PPP6R3: variants seen among roughly 807,000 people sequenced by gnomAD.
PPP6R3 encodes the protein serine/threonine-protein phosphatase 6 regulatory subunit 3.
Under a neutral mutation model 110.7 loss-of-function variants are expected in PPP6R3, and 38 were observed. That is an observed-to-expected ratio of 0.34 (90% CI 0.26 to 0.45). The LOEUF is 0.45. PPP6R3 is among the 20% of genes least tolerant of loss of function. PPP6R3 has a pLI of 1.00. For missense variants in PPP6R3, 870 were observed against 1,062.4 expected (o/e 0.82, Z 2.52); for synonymous variants, 369 against 373.5 (o/e 0.99, Z 0.14).
At chr11:68,566,885 G>A (rs2099474588) in intron 9 of PPP6R3, 129 bp from the exon 10 acceptor site, 2 of 672,812 alleles carry the variant, frequency 3.0e-6, no homozygotes, top group African/African-American at 3.7e-5. Context: ...AGCAGCTTTA[G>A]ATGTTGTTTC....
chr11:68,510,867 T>C (rs1036062180), intron 1 of PPP6R3, among the ~76,000 whole-genome samples: 2 of 152,172 alleles, frequency 1.3e-5, no homozygotes, highest in African/African-American at 4.8e-5. Flanking sequence ...GTGTATACTT[T>C]CTGATTTTTT....
chr11:68,467,131 T>C (rs1482697495), intron 1 of PPP6R3, among the ~76,000 whole-genome samples: 1 of 152,264 alleles, frequency 6.6e-6, no homozygotes, highest in Non-Finnish European at 1.5e-5. Context: ...TACGGCTGGC[T>C]AGAGTTGACC....
intron 1 of PPP6R3, among the ~76,000 whole-genome samples, chr11:68,509,785 C>T (rs1297668181): frequency 7.5e-6 from 1 of 133,150 alleles, no homozygotes; most frequent in African/African-American, 2.8e-5. Flanking sequence ...GCTTCGCTCT[C>T]GTTGCCCAGT....
At chr11:68,478,180 T>C (rs73516862) in intron 1 of PPP6R3, among the ~76,000 whole-genome samples, 48,477 of 151,634 alleles carry the variant, frequency 0.32, 8,793 homozygotes, top group African/African-American at 0.49. Flanking sequence ...GAACTCCTGA[T>C]CTCGTGATAC....
At chr11:68,576,313 G>A (rs545219550) in intron 14 of PPP6R3, among the ~76,000 whole-genome samples, 2 of 152,302 alleles carry the variant, frequency 1.3e-5, no homozygotes, top group African/African-American at 4.8e-5. Flanking sequence ...TTCCCTCCAT[G>A]CCCTGCTGCC....
At chr11:68,517,574 G>A (rs1592393712) in intron 1 of PPP6R3, among the ~76,000 whole-genome samples, 1 of 152,170 alleles carries the variant, frequency 6.6e-6, no homozygotes, top group Non-Finnish European at 1.5e-5. Flanking sequence ...ACTATGAAAA[G>A]CACACAAGAG....
intron 1 of PPP6R3, among the ~76,000 whole-genome samples, chr11:68,478,240 G>A (rs1358846790): frequency 6.6e-6 from 1 of 152,000 alleles, no homozygotes; most frequent in Non-Finnish European, 1.5e-5. Context: ...GAGCTGCCGC[G>A]CCCGGCCCAG....
At position 68,602,128 on chromosome 11, in the gene PPP6R3, G is replaced by A. The variant is rs560931325; in HGVS notation, c.2299+159G>A. ...GAAAGAAATTGTGCCTGTCCTTCTA[G>A]AACCACAGCATGCTGACTCTGGAAA... On this transcript the variant is annotated intron_variant, in intron 21 of 23. Transcript: ENST00000393800. 1.1e-4 allele frequency among the ~76,000 whole-genome samples: 16 copies of A among 152,310 alleles called. No homozygotes were observed. The East Asian group carries it at 3.1e-3, about 29-fold the overall frequency.
chr11:68,474,237 G>A (rs1591608245), intron 1 of PPP6R3, among the ~76,000 whole-genome samples: 1 of 151,918 alleles, frequency 6.6e-6, no homozygotes, highest in Non-Finnish European at 1.5e-5. Flanking sequence ...TAGAGACAGG[G>A]GTCTTGCTTT....
intron 1 of PPP6R3, among the ~76,000 whole-genome samples, chr11:68,486,583 G>A (rs552892021): frequency 6.7e-5 from 9 of 135,014 alleles, no homozygotes; most frequent in African/African-American, 1.1e-4. Context: ...CAGCCTGGGC[G>A]ACAGAGCAAG....
chr11:68,539,587 A>AT, intron 3 of PPP6R3, among the ~76,000 whole-genome samples: 1 of 152,328 alleles, frequency 6.6e-6, no homozygotes, highest in Admixed American at 6.5e-5. Context: ...TGTGTGTAAC[A>AT]TATCTTGGAT....
chr11:68,492,464 G>A (rs760394872), intron 1 of PPP6R3, among the ~76,000 whole-genome samples: 12 of 152,230 alleles, frequency 7.9e-5, no homozygotes, highest in Non-Finnish European at 1.5e-4. Flanking sequence ...TTCCTTTAAG[G>A]CTGAGTTATA....
rs144674991 is a variant in PPP6R3, at chr11:68,557,507, C to A, written c.732-1059C>A. ...GGGAGATTCCATTTCTTTTTCTTTT[C>A]TTTTTCTTTTTTTTCTTTTTTCTTT... On this transcript the variant is annotated intron_variant, in intron 7 of 23. Transcript: ENST00000393800. 1.0e-4 allele frequency among the ~76,000 whole-genome samples: 15 copies of A among 149,728 alleles called. No individual in the cohort carries two copies. In the East Asian group the frequency reaches 2.9e-3, roughly 29 times the overall value.
At chr11:68,563,630 CAG>C (rs1220862571) in intron 8 of PPP6R3, among the ~76,000 whole-genome samples, 1 of 152,200 alleles carries the variant, frequency 6.6e-6, no homozygotes, top group African/African-American at 2.4e-5. Context: ...GTACTCAGTG[CAG>C]TATGCAGGGC....
intron 1 of PPP6R3, among the ~76,000 whole-genome samples, chr11:68,468,515 C>A (rs1434074798): frequency 6.6e-6 from 1 of 152,188 alleles, no homozygotes; most frequent in African/African-American, 2.4e-5. Context: ...GAGATCCTCC[C>A]ATCATAGGTA....
chr11:68,467,006 G>T (rs2098753065), intron 1 of PPP6R3, among the ~76,000 whole-genome samples: 1 of 152,216 alleles, frequency 6.6e-6, no homozygotes, highest in South Asian at 2.1e-4. Context: ...CTCCCAAAGT[G>T]CTGGGATTAC....
intron 1 of PPP6R3, among the ~76,000 whole-genome samples, chr11:68,503,598 C>T (rs150718438): frequency 6.6e-6 from 1 of 152,288 alleles, no homozygotes; most frequent in African/African-American, 2.4e-5. Flanking sequence ...GACTGCCTTG[C>T]ATGCTGCTGA....
At chr11:68,491,458 C>A (rs2098983841) in intron 1 of PPP6R3, among the ~76,000 whole-genome samples, 2 of 151,762 alleles carry the variant, frequency 1.3e-5, no homozygotes, top group South Asian at 4.2e-4. Flanking sequence ...ATCCTCCCAC[C>A]TCAGCCTCCT....
In PPP6R3 at chr11:68,609,969, C is replaced by CTGCAGAGGCGAAG; in HGVS notation, c.2520_2532dup (p.Ala845ArgfsTer26). 1 of 1,614,216 alleles carries CTGCAGAGGCGAAG rather than the reference C, an allele frequency of 6.2e-7. No homozygotes were observed. The highest frequency in any genetic ancestry group is 8.5e-7 in the Non-Finnish European group (1 of 1,180,044). On this transcript the variant is annotated frameshift_variant, in exon 23 of 24. Coordinates refer to ENST00000393800, the MANE Select transcript of PPP6R3 (RefSeq NM_001164161.2). LOFTEE classifies it high-confidence loss of function. ...AAAGACGCAGAGGAGTGTCCCGAGA[C>CTGCAGAGGCGAAG]TGCAGAGGCGAAGTGCGCGGCGCCC...
Sources: gnomAD v4.1 joint callset for allele counts (sites outside exome capture counted in the v4.1 genomes callset) on GRCh38, gnomAD v4.1.1 for gene constraint, MANE v1.5 for transcripts, NCBI Gene and HGNC (gene_info 2026-07-23, HGNC 2026-07-21) for gene names.